Variants in PHLPP1 observed in about 807,000 individuals in gnomAD.
PHLPP1 encodes the protein PH domain and leucine rich repeat protein phosphatase 1.
Under a neutral mutation model 117.2 loss-of-function variants are expected in PHLPP1, and 42 were observed. That is an observed-to-expected ratio of 0.36 (90% CI 0.28 to 0.46). The LOEUF is 0.46. PHLPP1 is among the 20% of genes least tolerant of loss of function. The pLI, the probability that PHLPP1 is intolerant of heterozygous loss-of-function variation, is 1.00. For synonymous variants in PHLPP1, 1,042 were observed against 970.7 expected, an observed-to-expected ratio of 1.07 and a Z score of -1.37; for missense variants, 2,084 against 2,241.9, an observed-to-expected ratio of 0.93 and a Z score of 1.42.
chr18:62,727,595 G>A (rs1324214736), intron 1 of PHLPP1, among the ~76,000 whole-genome samples: 1 of 146,460 alleles, frequency 6.8e-6, no homozygotes, highest in East Asian at 2.0e-4. Flanking sequence ...CAGCTTGGGT[G>A]ACAGAGCGAG....
intron 4 of PHLPP1, among the ~76,000 whole-genome samples, chr18:62,883,431 A>G (rs902156697): frequency 6.6e-6 from 1 of 152,222 alleles, no homozygotes; most frequent in African/African-American, 2.4e-5. Context: ...GAAGATTTGC[A>G]ATTACCATTT....
At chr18:62,733,618 T>C (rs534019705) in intron 1 of PHLPP1, among the ~76,000 whole-genome samples, 4 of 152,206 alleles carry the variant, frequency 2.6e-5, no homozygotes, top group African/African-American at 9.7e-5. Flanking sequence ...GTGAATTGTC[T>C]AGGATCCCTT....
In PHLPP1 at chr18:62,755,524, AATAGGATTAG is replaced by A. The variant is rs1389902515; in HGVS notation, c.1576+38266_1576+38275del. 2.0e-5 allele frequency among the ~76,000 whole-genome samples: 3 copies of A among 152,170 alleles called. No homozygotes were observed. In the East Asian group the frequency reaches 5.8e-4, roughly 29 times the overall value. ...AGGTCATGAGAGCAAAGCCTTCATG[AATAGGATTAG>A]TGCCCTTATAAAAGACGCCTGAGAG... On this transcript the variant is annotated intron_variant, in intron 1 of 16. Transcript: ENST00000262719.
chr18:62,820,806 T>G (rs577381521), intron 1 of PHLPP1, among the ~76,000 whole-genome samples: 5 of 152,340 alleles, frequency 3.3e-5, no homozygotes, highest in African/African-American at 9.6e-5. Flanking sequence ...ATAGACTGTA[T>G]TTTACACTAT....
chr18:62,925,270 G>A (rs1363877213), intron 10 of PHLPP1, among the ~76,000 whole-genome samples: 1 of 152,138 alleles, frequency 6.6e-6, no homozygotes, highest in Non-Finnish European at 1.5e-5. Context: ...TGGCCAGACC[G>A]CTTTTCCTAT....
intron 1 of PHLPP1, among the ~76,000 whole-genome samples, chr18:62,763,199 C>T (rs190301087): frequency 6.6e-6 from 1 of 152,342 alleles, no homozygotes; most frequent in Non-Finnish European, 1.5e-5. Context: ...AGTAGCCAAC[C>T]TGTGCAGCTA....
chr18:62,912,429 T>C (rs954645717), intron 8 of PHLPP1, among the ~76,000 whole-genome samples: 7 of 151,890 alleles, frequency 4.6e-5, no homozygotes, highest in Admixed American at 6.6e-5. Flanking sequence ...CATTTCCTAC[T>C]ACCTATCAGA....
chr18:62,756,911 G>A (rs1211146539), intron 1 of PHLPP1, among the ~76,000 whole-genome samples: 3 of 152,210 alleles, frequency 2.0e-5, no homozygotes, highest in Non-Finnish European at 4.4e-5. Context: ...AAGAAGAGAA[G>A]TGTAGAATGA....
intron 1 of PHLPP1, among the ~76,000 whole-genome samples, chr18:62,725,166 CTGGCTAACAT>C (rs1229347571): frequency 1.3e-5 from 2 of 151,938 alleles, no homozygotes; most frequent in Non-Finnish European, 2.9e-5. Context: ...CGAGACCAGC[CTGGCTAACAT>C]GGTGAAACCC....
intron 7 of PHLPP1, among the ~76,000 whole-genome samples, chr18:62,904,781 G>T (rs1916804734): frequency 6.6e-6 from 1 of 152,370 alleles, no homozygotes; most frequent in Non-Finnish European, 1.5e-5. Context: ...ATTTCATAAA[G>T]TGTTCAGGAA....
Position 62,900,824 on chromosome 18 carries a change from A to G in PHLPP1, c.2445-2140A>G, listed in dbSNP as rs896245735. On this transcript the variant is annotated intron_variant, in intron 6 of 16. Transcript: ENST00000262719. Reference sequence around the variant, plus strand: ...CACCACAAAAGTGAAATATCTCACAAATAACTATGTGAGATAGTGCATGTG... The same window carrying G: ...CACCACAAAAGTGAAATATCTCACAGATAACTATGTGAGATAGTGCATGTG... Among the ~76,000 whole-genome samples, 12 of 152,340 alleles carry G rather than the reference A, an allele frequency of 7.9e-5. No homozygotes were observed. In the South Asian group the frequency reaches 1.7e-3, roughly 21 times the overall value.
intron 1 of PHLPP1, among the ~76,000 whole-genome samples, chr18:62,753,844 GATTTCTTAC>G (rs1419534904): frequency 6.6e-6 from 1 of 152,152 alleles, no homozygotes; most frequent in African/African-American, 2.4e-5. Flanking sequence ...TGTTTTGTAA[GATTTCTTAC>G]TATGGGCCAA....
chr18:62,771,346 A>G lies in PHLPP1; in HGVS notation c.1576+54087A>G, dbSNP rs1442674185. ...TACCATTAAGCAATCATTTTCTTAT[A>G]CTTATTCACACATGAGTTCTTAACA... On this transcript the variant is annotated intron_variant, in intron 1 of 16. Coordinates refer to ENST00000262719, the MANE Select transcript of PHLPP1 (RefSeq NM_194449.4). Among the ~76,000 whole-genome samples the G allele has an allele frequency of 3.3e-5, 5 of 152,168 alleles. 1 individual carries two copies. The highest frequency in any genetic ancestry group is 3.3e-4 in the Admixed American group (5 of 15,274).
intron 1 of PHLPP1, among the ~76,000 whole-genome samples, chr18:62,795,930 G>C (rs1426914516): frequency 6.6e-6 from 1 of 152,184 alleles, no homozygotes; most frequent in East Asian, 1.9e-4. Flanking sequence ...TAATGTTCTG[G>C]AGATACAGTT....
At chr18:62,771,835 T>TGG (rs1219877574) in intron 1 of PHLPP1, among the ~76,000 whole-genome samples, 2 of 152,366 alleles carry the variant, frequency 1.3e-5, no homozygotes, top group African/African-American at 4.8e-5. Context: ...AGTAAGCCCA[T>TGG]CAGCCATTTT....
intron 1 of PHLPP1, among the ~76,000 whole-genome samples, chr18:62,723,013 A>G (rs1409126745): frequency 6.6e-6 from 1 of 152,222 alleles, no homozygotes; most frequent in East Asian, 1.9e-4. Context: ...GTTAGGTGAA[A>G]CAAGGCATAA....
chr18:62,922,471 G>A lies in PHLPP1; in HGVS notation c.2960+2357G>A, dbSNP rs989283120. 3.3e-5 allele frequency among the ~76,000 whole-genome samples: 5 copies of A among 152,294 alleles called. No individual in the cohort carries two copies. The South Asian group carries it at 6.2e-4, about 19-fold the overall frequency. On this transcript the variant is annotated intron_variant, in intron 10 of 16. Transcript: ENST00000262719. ...GTTTTTACGTTAATATCAAAGCACA[G>A]TGTGCAGAGACAGATCACTTTAGAC...
At chr18:62,728,532 C>T (rs1203518734) in intron 1 of PHLPP1, among the ~76,000 whole-genome samples, 7 of 143,442 alleles carry the variant, frequency 4.9e-5, no homozygotes, top group Admixed American at 7.1e-5. Flanking sequence ...GAGACAGTGT[C>T]TCACTCTGCC....
At chr18:62,878,293 A>G (rs1467440971) in intron 4 of PHLPP1, among the ~76,000 whole-genome samples, 1 of 152,230 alleles carries the variant, frequency 6.6e-6, no homozygotes, top group African/African-American at 2.4e-5. Flanking sequence ...GAACATAATT[A>G]ACATCTTTGC....
Sources: gnomAD v4.1 joint callset for allele counts (sites outside exome capture counted in the v4.1 genomes callset) on GRCh38, gnomAD v4.1.1 for gene constraint, MANE v1.5 for transcripts, NCBI Gene and HGNC (gene_info 2026-07-23, HGNC 2026-07-21) for gene names.